Variants in LIPG observed in about 807,000 individuals in gnomAD.
The protein encoded by LIPG is endothelial lipase.
LIPG carries 34 observed loss-of-function variants against 51.8 expected under a neutral mutation model. The ratio of observed to expected loss-of-function variants is 0.66; its 90% CI spans 0.50 to 0.87. LIPG has a LOEUF of 0.87. LIPG is among the 40% of genes least tolerant of loss of function. The probability of loss-of-function intolerance (pLI) is 0.00; values close to 1 mark genes in which losing one functional copy is unlikely to be tolerated. For missense variants in LIPG, 580 were observed against 652.7 expected, an observed-to-expected ratio of 0.89 and a Z score of 1.21; for synonymous variants, 246 against 246.1, an observed-to-expected ratio of 1.00 and a Z score of 0.00.
In LIPG at chr18:49,583,628, G is replaced by A. The variant is rs1350094045; in HGVS notation, c.1230G>A (p.Leu410=). 1 of 1,614,178 alleles carries A rather than the reference G, an allele frequency of 6.2e-7. No individual in the cohort carries two copies. The highest frequency in any genetic ancestry group is 8.5e-7 in the Non-Finnish European group (1 of 1,180,034). ...CCGAGGAGGACTTGGGAGACCTCTT[G>A]AAGATCCAGCTCACCTGGGAGGGGG... The part of the protein sequence containing the change: ...VYTEEDLGDL[L]KIQLTWEGAS... The change falls in exon 8 of 10, where the codon TTG becomes TTA. Residue 410 remains leucine (L), a synonymous_variant. Coordinates refer to ENST00000261292, the MANE Select transcript of LIPG (RefSeq NM_006033.4).
In LIPG at chr18:49,596,484, A is replaced by G. The variant is rs35367504; in HGVS notation, c.*5962A>G. ...CCCTGTCTCTACTAAAAATACAAAAAGTTAGCCAGGTGTGATGGTGGGCAC... is the reference window on the plus strand; with the variant it reads ...CCCTGTCTCTACTAAAAATACAAAAGGTTAGCCAGGTGTGATGGTGGGCAC... On this transcript the variant is annotated 3_prime_UTR_variant, in exon 10 of 10. Transcript: ENST00000261292. 0.24 allele frequency: 36,594 copies of G among 151,512 alleles called. 4,969 individuals carry two copies. The highest frequency in any genetic ancestry group is 0.35 in the Middle Eastern group (102 of 294). The allele number at this position is 151,512 out of a possible 1,614,324, so 9.4% of individuals were successfully genotyped here.
intron 3 of LIPG, among the ~76,000 whole-genome samples, chr18:49,568,236 T>C (rs1022712720): frequency 6.6e-6 from 1 of 152,162 alleles, no homozygotes; most frequent in African/African-American, 2.4e-5. Flanking sequence ...TTCGCTGTGT[T>C]AGCCAGGATG....
intron 9 of LIPG, among the ~76,000 whole-genome samples, chr18:49,587,495 G>A (rs2084894847): frequency 6.7e-6 from 1 of 149,340 alleles, no homozygotes; most frequent in South Asian, 2.1e-4. Context: ...TATGAACCTG[G>A]GAGGAAGAGC....
intron 6 of LIPG, 22 bp from the exon 7 acceptor site, chr18:49,582,340 C>T: frequency 6.2e-7 from 1 of 1,614,134 alleles, no homozygotes. Context: ...TTACAAGCAT[C>T]TTTGTTCTGC....
At chr18:49,584,722 G>T (rs2084864182) in intron 8 of LIPG, among the ~76,000 whole-genome samples, 1 of 152,208 alleles carries the variant, frequency 6.6e-6, no homozygotes, top group African/African-American at 2.4e-5. Context: ...GTGAACTGGG[G>T]GTGCTGGCCT....
At chr18:49,586,567 A>G (rs1462499709) in intron 8 of LIPG, among the ~76,000 whole-genome samples, 179 bp from the exon 9 acceptor site, 1 of 152,198 alleles carries the variant, frequency 6.6e-6, no homozygotes. Context: ...TGGAAGCCTC[A>G]AAGTGAGACA....
intron 4 of LIPG, among the ~76,000 whole-genome samples, chr18:49,572,476 G>A (rs894093268): frequency 6.6e-6 from 1 of 152,162 alleles, no homozygotes; most frequent in African/African-American, 2.4e-5. Flanking sequence ...AATATCCTGG[G>A]CCCTATAAGT....
intron 1 of LIPG, 28 bp downstream of exon 1, chr18:49,562,433 C>T (rs1387739120): frequency 6.3e-7 from 1 of 1,587,532 alleles, no homozygotes; most frequent in Non-Finnish European, 8.7e-7. Context: ...TTATTCCCCC[C>T]AGCCACTTCT....
Position 49,574,456 on chromosome 18 carries a change from G to A in LIPG, c.572-913G>A, listed in dbSNP as rs142769732. Among the ~76,000 whole-genome samples, 560 of 152,224 alleles carry A rather than the reference G, an allele frequency of 3.7e-3. 2 individuals carry two copies. The highest frequency in any genetic ancestry group is 5.8e-3 in the Admixed American group (88 of 15,290). ...CTTGGGAATCTGCATTTTATACTTT[G>A]CAAGTTCTCTTTTGGAATGGTTTTA... On this transcript the variant is annotated intron_variant, in intron 4 of 9. Coordinates refer to ENST00000261292, the MANE Select transcript of LIPG (RefSeq NM_006033.4).
At chr18:49,563,705 G>C (rs2084574607) in intron 1 of LIPG, among the ~76,000 whole-genome samples, 1 of 151,992 alleles carries the variant, frequency 6.6e-6, no homozygotes, top group Non-Finnish European at 1.5e-5. Context: ...ATTGAGCAAA[G>C]AGCTGAAGGG....
At chr18:49,579,407 G>T (rs550108270) in intron 5 of LIPG, among the ~76,000 whole-genome samples, 53 of 151,870 alleles carry the variant, frequency 3.5e-4, no homozygotes, top group African/African-American at 1.2e-3. Flanking sequence ...TGAGATTACA[G>T]GCGCAAACCA....
Position 49,565,489 on chromosome 18 carries a change from C to T in LIPG, c.270C>T (p.His90=), listed in dbSNP as rs375273991. The T allele has an allele frequency of 8.1e-6, 13 of 1,614,198 alleles. No individual in the cohort carries two copies. The highest frequency in any genetic ancestry group is 4.4e-5 in the South Asian group (4 of 91,088). ...CAGCTAAAACCTTTTTCATCATTCA[C>T]GGATGGACGGTGAGCCCGGGGAGGG... The part of the protein sequence containing the change: ...NMTAKTFFII[H]GWTMSGIFEN... The change falls in exon 2 of 10, where the codon CAC becomes CAT. Residue 90 remains histidine, a synonymous_variant. Transcript: ENST00000261292.
chr18:49,587,486 A>G (rs1461045344), intron 9 of LIPG, among the ~76,000 whole-genome samples: 1 of 139,770 alleles, frequency 7.2e-6, no homozygotes, highest in Non-Finnish European at 1.5e-5. Flanking sequence ...GGAGAATGGT[A>G]TGAACCTGGG....
intron 5 of LIPG, 80 bp from the exon 6 acceptor site, chr18:49,581,335 G>A (rs2143966576): frequency 1.3e-6 from 2 of 1,536,436 alleles, no homozygotes; most frequent in South Asian, 1.1e-5. Flanking sequence ...TCACTGTTGA[G>A]GAGTACAGTA....
rs1008875490 is a variant in LIPG, at chr18:49,586,867, C to T, written c.1481+17C>T. On this transcript the variant is annotated intron_variant, in intron 9 of 9. Coordinates refer to ENST00000261292, the MANE Select transcript of LIPG (RefSeq NM_006033.4). ...CGAAACCAGGTAACCAGGACTTTCT[C>T]ACACGTTCCACCCAGGACACGTTGA... is the stretch of plus-strand genomic sequence containing the variant. 23 of 1,564,874 alleles carry T rather than the reference C, an allele frequency of 1.5e-5. No homozygotes were observed. Among genetic ancestry groups the T allele is most frequent in the Non-Finnish European group, 1.8e-5 (21 of 1,135,270 alleles).
At position 49,562,068 on chromosome 18, in the gene LIPG, C is replaced by A; in HGVS notation, c.-241C>A. On this transcript the variant is annotated 5_prime_UTR_variant, in exon 1 of 10. Coordinates refer to ENST00000261292, the MANE Select transcript of LIPG (RefSeq NM_006033.4). Reference sequence around the variant, plus strand: ...TATAGGAGCGTGACAGCAGCGAGTCCTTGCCTCCCGGCGGCTCAGGACGAG... The same window carrying A: ...TATAGGAGCGTGACAGCAGCGAGTCATTGCCTCCCGGCGGCTCAGGACGAG... 6.9e-7 allele frequency: 1 copy of A among 1,440,450 alleles called. No homozygotes were observed. Among genetic ancestry groups the A allele is most frequent in the Non-Finnish European group, 9.0e-7 (1 of 1,105,184 alleles). The allele number at this position is 1,440,450 out of a possible 1,614,324, so 89.2% of individuals were successfully genotyped here.
At chr18:49,575,659 C>A in intron 5 of LIPG, 69 bp downstream of exon 5, 1 of 1,245,228 alleles carries the variant, frequency 8.0e-7, no homozygotes, top group Non-Finnish European at 1.2e-6. Context: ...CAGCCAGAGC[C>A]TTTAGCACTG....
intron 1 of LIPG, 137 bp from the exon 2 acceptor site, chr18:49,565,180 A>G (rs2084589530): frequency 1.3e-6 from 1 of 755,662 alleles, no homozygotes; most frequent in Non-Finnish European, 2.3e-6. Context: ...GGAGGTGAAA[A>G]GGGAACATTC....
At chr18:49,578,928 G>C (rs1037962347) in intron 5 of LIPG, among the ~76,000 whole-genome samples, 12 of 144,598 alleles carry the variant, frequency 8.3e-5, no homozygotes, top group African/African-American at 2.9e-4. Context: ...AGGAGAATCA[G>C]GCAGGGAGGT....
Sources: gnomAD v4.1 joint callset for allele counts (sites outside exome capture counted in the v4.1 genomes callset) on GRCh38, gnomAD v4.1.1 for gene constraint, MANE v1.5 for transcripts, NCBI Gene and HGNC (gene_info 2026-07-23, HGNC 2026-07-21) for gene names.